The following ZCCHC17 variants were observed in gnomAD, a reference collection of about 807,000 sequenced individuals.
ZCCHC17 encodes zinc finger CCHC-type containing 17, also known as zinc finger CCHC domain-containing protein 17.
In ZCCHC17, 18 loss-of-function variants were observed where a neutral mutation model predicts 30.6. The observed-to-expected ratio is 0.59, with a 90% confidence interval of 0.41 to 0.87. The LOEUF (loss-of-function observed/expected upper bound fraction) is 0.87. Ranked by LOEUF, ZCCHC17 falls within the 40% of genes least tolerant of loss-of-function variation. The pLI, the probability that ZCCHC17 is intolerant of heterozygous loss-of-function variation, is 0.00. For synonymous variants in ZCCHC17, 88 were observed against 92.4 expected, an observed-to-expected ratio of 0.95 and a Z score of 0.27; for missense variants, 263 against 284.2, an observed-to-expected ratio of 0.93 and a Z score of 0.54.
intron 2 of ZCCHC17, among the ~76,000 whole-genome samples, chr1:31,310,926 A>C (rs1646585482): frequency 6.6e-6 from 1 of 152,110 alleles, no homozygotes; most frequent in South Asian, 2.1e-4. Context: ...AGTCCTAATT[A>C]TATCTCTGGT....
chr1:31,298,059 T>C (rs1448079780), intron 1 of ZCCHC17, among the ~76,000 whole-genome samples: 1 of 152,152 alleles, frequency 6.6e-6, no homozygotes, highest in Non-Finnish European at 1.5e-5. Flanking sequence ...TCAGGCTCAG[T>C]GGTGTGAACA....
chr1:31,315,324 A>C (rs1646706585), intron 2 of ZCCHC17, among the ~76,000 whole-genome samples: 1 of 152,212 alleles, frequency 6.6e-6, no homozygotes, highest in Non-Finnish European at 1.5e-5. Flanking sequence ...GTGGTGTTTC[A>C]GCCCATGTCC....
In ZCCHC17 at chr1:31,319,182, T is replaced by C. The variant is rs1468493688; in HGVS notation, c.124+16T>C. The C allele has an allele frequency of 1.2e-6, 2 of 1,603,770 alleles. No homozygotes were observed. Among genetic ancestry groups the C allele is most frequent in the Non-Finnish European group, 1.7e-6 (2 of 1,172,044 alleles). On this transcript the variant is annotated intron_variant, in intron 3 of 7. Coordinates refer to ENST00000344147, the MANE Select transcript of ZCCHC17 (RefSeq NM_016505.4). ...CGGAAGCAAGGTAGGAGTTTATAAC[T>C]TGAAATTCAGCCCTCTGATTCTACT...
At chr1:31,359,537 A>AAT (rs1002640039) in intron 7 of ZCCHC17, among the ~76,000 whole-genome samples, 13 of 152,150 alleles carry the variant, frequency 8.5e-5, no homozygotes, top group African/African-American at 3.1e-4. Context: ...AAAATAAGTA[A>AAT]ATAAATAAAA....
At chr1:31,309,278 A>G (rs1305799331) in intron 1 of ZCCHC17, among the ~76,000 whole-genome samples, 2 of 152,162 alleles carry the variant, frequency 1.3e-5, no homozygotes, top group Non-Finnish European at 2.9e-5. Context: ...CATCTGTATA[A>G]TATAATAGTA....
intron 1 of ZCCHC17, among the ~76,000 whole-genome samples, chr1:31,309,082 AGTGT>A (rs1367206021): frequency 6.6e-6 from 1 of 152,018 alleles, no homozygotes; most frequent in Non-Finnish European, 1.5e-5. Flanking sequence ...GAACTTTCAC[AGTGT>A]GTATGTGTTT....
At chr1:31,345,144 T>C (rs1381383025) in intron 5 of ZCCHC17, among the ~76,000 whole-genome samples, 1 of 121,572 alleles carries the variant, frequency 8.2e-6, no homozygotes, top group Non-Finnish European at 2.1e-5. Context: ...ATGCTGGCAA[T>C]GTTCTGTTTG....
chr1:31,359,031 G>A (rs1453367820), intron 7 of ZCCHC17, among the ~76,000 whole-genome samples: 1 of 152,192 alleles, frequency 6.6e-6, no homozygotes. Context: ...TACCATGAAT[G>A]TGTTCTAGGT....
At chr1:31,328,509 A>AAAAT (rs1206489355) in intron 3 of ZCCHC17, among the ~76,000 whole-genome samples, 47 of 151,944 alleles carry the variant, frequency 3.1e-4, no homozygotes, top group African/African-American at 9.0e-4. Flanking sequence ...CCCTGTCTCA[A>AAAAT]AAATAAATAA....
rs544794515 is a variant in ZCCHC17, at chr1:31,334,884, T to C, written c.125-2291T>C. On this transcript the variant is annotated intron_variant, in intron 3 of 7. Coordinates refer to ENST00000344147, the MANE Select transcript of ZCCHC17 (RefSeq NM_016505.4). ...CTTAAAAATACATTGAATATTTTGA[T>C]GTAAATCACTTTTCCTGAAGCATAT... Among the ~76,000 whole-genome samples, 4 of 152,362 alleles carry C rather than the reference T, an allele frequency of 2.6e-5. No homozygotes were observed. The South Asian group carries it at 8.3e-4, about 32-fold the overall frequency.
At chr1:31,326,625 C>T (rs1490766149) in intron 3 of ZCCHC17, among the ~76,000 whole-genome samples, 4 of 152,112 alleles carry the variant, frequency 2.6e-5, no homozygotes, top group Admixed American at 6.6e-5. Flanking sequence ...AGGCCTGTGA[C>T]CTTCCAGCAG....
intron 7 of ZCCHC17, among the ~76,000 whole-genome samples, chr1:31,363,641 G>A (rs1640014921): frequency 6.6e-6 from 1 of 152,138 alleles, no homozygotes; most frequent in Non-Finnish European, 1.5e-5. Context: ...AATTAGCAGG[G>A]TGTGGTGGTG....
Position 31,343,293 on chromosome 1 carries a change from C to G in ZCCHC17, c.318-3347C>G, listed in dbSNP as rs544833156. ...CAGGCTGGTCTTGAACTCCTGGCCT[C>G]AAGTAATCCGCCTGCCTTGGCCTCC... On this transcript the variant is annotated intron_variant, in intron 5 of 7. Transcript: ENST00000344147. 6.6e-5 allele frequency among the ~76,000 whole-genome samples: 10 copies of G among 152,326 alleles called. No homozygotes were observed. The South Asian group carries it at 2.1e-3, about 32-fold the overall frequency.
At chr1:31,334,005 TTTAAAA>T (rs1438848604) in intron 3 of ZCCHC17, among the ~76,000 whole-genome samples, 1 of 152,182 alleles carries the variant, frequency 6.6e-6, no homozygotes, top group Admixed American at 6.5e-5. Flanking sequence ...CTCTTCAAAC[TTTAAAA>T]TTAGGCTAGT....
At chr1:31,298,310 A>G (rs1167799695) in intron 1 of ZCCHC17, among the ~76,000 whole-genome samples, 1 of 152,064 alleles carries the variant, frequency 6.6e-6, no homozygotes, top group African/African-American at 2.4e-5. Context: ...AGATGGTGGT[A>G]CCATTCACTC....
At chr1:31,356,839 A>G (rs1484816810) in intron 7 of ZCCHC17, among the ~76,000 whole-genome samples, 1 of 152,210 alleles carries the variant, frequency 6.6e-6, no homozygotes. Flanking sequence ...GTTATAAATA[A>G]TTTTTGTTGG....
At chr1:31,329,867 T>G (rs974707412) in intron 3 of ZCCHC17, among the ~76,000 whole-genome samples, 2 of 152,204 alleles carry the variant, frequency 1.3e-5, no homozygotes, top group African/African-American at 4.8e-5. Context: ...GGTCTTGAGT[T>G]TTTTTGACTG....
chr1:31,349,672 T>C (rs980060423), intron 7 of ZCCHC17, among the ~76,000 whole-genome samples: 1 of 152,208 alleles, frequency 6.6e-6, no homozygotes, highest in African/African-American at 2.4e-5. Flanking sequence ...TATATATAGC[T>C]ACACATACAT....
Position 31,364,071 on chromosome 1 carries a change from G to C in ZCCHC17, c.604G>C (p.Asp202His). The C allele has an allele frequency of 6.2e-7, 1 of 1,613,782 alleles. No individual in the cohort carries two copies. The highest frequency in any genetic ancestry group is 8.5e-7 in the Non-Finnish European group (1 of 1,179,852). The change falls in exon 8 of 8, where the codon GAC (aspartate) becomes CAC (histidine). Residue 202 changes from aspartate to histidine, a missense_variant. By Grantham distance (81) the Asp-to-His change is moderately conservative. Coordinates refer to ENST00000344147, the MANE Select transcript of ZCCHC17 (RefSeq NM_016505.4). The stretch of plus-strand genomic sequence containing the variant: ...GAAACATAGAGATAGGAAGTCATCT[G>C]ACTCTGACAGCTCAGACTCTGAGAG... ...KKKHRDRKSS[D>H]SDSSDSESDT...
Sources: gnomAD v4.1 joint callset for allele counts (sites outside exome capture counted in the v4.1 genomes callset) on GRCh38, gnomAD v4.1.1 for gene constraint, MANE v1.5 for transcripts, NCBI Gene and HGNC (gene_info 2026-07-23, HGNC 2026-07-21) for gene names.